The following WDR72 variants were observed in gnomAD, a reference collection of about 807,000 sequenced individuals.
The protein encoded by WDR72 is WD repeat domain 72, also known as WD repeat-containing protein 72.
WDR72 carries 120 observed loss-of-function variants against 124.2 expected under a neutral mutation model. That is an observed-to-expected ratio of 0.97 (90% confidence interval 0.83 to 1.12). The LOEUF (loss-of-function observed/expected upper bound fraction) is 1.12. Among genes scored for constraint, WDR72 ranks in the 50% most tolerant of loss-of-function variants. The pLI is 0.00. For missense variants in WDR72, 1,387 were observed against 1,278.8 expected, an observed-to-expected ratio of 1.08 and a Z score of -1.29; for synonymous variants, 452 against 441.7, an observed-to-expected ratio of 1.02 and a Z score of -0.29.
chr15:53,542,917 A>G (rs1893225916), intron 18 of WDR72, among the ~76,000 whole-genome samples: 1 of 150,480 alleles, frequency 6.6e-6, no homozygotes, highest in African/African-American at 2.5e-5. Flanking sequence ...ATAATGGTAA[A>G]GGGATCAATT....
intron 14 of WDR72, among the ~76,000 whole-genome samples, chr15:53,664,461 G>T (rs550178597): frequency 6.6e-6 from 1 of 151,512 alleles, no homozygotes; most frequent in Admixed American, 6.6e-5. Flanking sequence ...CAACTCTACT[G>T]CTTTGAGGCA....
At chr15:53,759,498 C>T (rs999406118) in intron 1 of WDR72, 135 bp downstream of exon 1, 4 of 152,314 alleles carry the variant, frequency 2.6e-5, no homozygotes, top group African/African-American at 9.6e-5. Flanking sequence ...CCAGCTGTAT[C>T]CAAGCGCGGG....
chr15:53,670,265 C>A (rs187782647), intron 13 of WDR72, among the ~76,000 whole-genome samples: 17 of 152,196 alleles, frequency 1.1e-4, no homozygotes, highest in Admixed American at 1.0e-3. Flanking sequence ...TAGCTTAAAG[C>A]AATTAACATC....
chr15:53,533,140 G>A (rs529595422), intron 18 of WDR72, among the ~76,000 whole-genome samples: 16 of 152,178 alleles, frequency 1.1e-4, no homozygotes, highest in Non-Finnish European at 7.4e-5. Flanking sequence ...GGAACACTGT[G>A]TGTGTCTCCA....
chr15:53,734,733 C>A (rs2018300272), intron 1 of WDR72, among the ~76,000 whole-genome samples: 1 of 151,616 alleles, frequency 6.6e-6, no homozygotes, highest in Non-Finnish European at 1.5e-5. Flanking sequence ...AAAACTACCC[C>A]AGGAAGATAA....
intron 14 of WDR72, among the ~76,000 whole-genome samples, chr15:53,652,473 A>T (rs2015276069): frequency 6.6e-6 from 1 of 152,178 alleles, no homozygotes; most frequent in Non-Finnish European, 1.5e-5. Flanking sequence ...GGGGATACAG[A>T]ATTGTACTAG....
chr15:53,563,144 A>G (rs1362919456), intron 18 of WDR72, among the ~76,000 whole-genome samples: 1 of 151,814 alleles, frequency 6.6e-6, no homozygotes, highest in East Asian at 1.9e-4. Context: ...AGTAGCTAGA[A>G]AAATGGTCCT....
intron 18 of WDR72, among the ~76,000 whole-genome samples, chr15:53,547,521 C>T (rs1273834312): frequency 2.6e-5 from 4 of 152,040 alleles, no homozygotes; most frequent in Admixed American, 2.0e-4. Context: ...TAGCAGTGAT[C>T]AATAATCTTT....
At chr15:53,632,302 G>A (rs952029254) in intron 14 of WDR72, among the ~76,000 whole-genome samples, 2 of 152,132 alleles carry the variant, frequency 1.3e-5, no homozygotes, top group African/African-American at 4.8e-5. Context: ...CAAGTGGTAA[G>A]CTTTGGCAGT....
intron 14 of WDR72, among the ~76,000 whole-genome samples, chr15:53,653,992 G>A (rs1281226553): frequency 6.6e-6 from 1 of 152,106 alleles, no homozygotes; most frequent in African/African-American, 2.4e-5. Context: ...AATATACCCA[G>A]TCTGGAAATC....
intron 18 of WDR72, among the ~76,000 whole-genome samples, chr15:53,591,685 AACACACACACACACACACACACACACAC>A (rs67873847): frequency 6.7e-6 from 1 of 148,930 alleles, no homozygotes; most frequent in Non-Finnish European, 1.5e-5. Flanking sequence ...CAACACACAC[AACACACACACACACACACACACACACAC>A]ACACACACAC....
intron 6 of WDR72, among the ~76,000 whole-genome samples, chr15:53,713,347 A>T (rs770734698): frequency 4.6e-5 from 7 of 150,776 alleles, no homozygotes; most frequent in Non-Finnish European, 8.9e-5. Flanking sequence ...CAGAAAGGTC[A>T]AACAAAAAAA....
Position 53,699,908 on chromosome 15 carries a change from T to TC in WDR72, c.1606dup (p.Asp536GlyfsTer10). ...AAGGTGAAGGAGAGCCACGGAATGG[T>TC]CACCGCACACACAGCAAATTATCTG... On this transcript the variant is annotated frameshift_variant, in exon 13 of 20. Transcript: ENST00000360509. LOFTEE classifies it high-confidence loss of function. The TC allele has an allele frequency of 6.2e-7, 1 of 1,614,170 alleles. No individual in the cohort carries two copies. The highest frequency in any genetic ancestry group is 8.5e-7 in the Non-Finnish European group (1 of 1,180,032).
intron 18 of WDR72, among the ~76,000 whole-genome samples, chr15:53,547,283 C>T (rs1025013701): frequency 5.3e-5 from 8 of 152,238 alleles, no homozygotes; most frequent in African/African-American, 1.9e-4. Context: ...CAGGCATGTG[C>T]CACCACGCCT....
At chr15:53,555,764 A>AAT (rs1893907532) in intron 18 of WDR72, among the ~76,000 whole-genome samples, 1 of 152,102 alleles carries the variant, frequency 6.6e-6, no homozygotes, top group South Asian at 2.1e-4. Flanking sequence ...CATTTAAAAA[A>AAT]ATATATATTT....
At chr15:53,553,143 G>A (rs1373386527) in intron 18 of WDR72, among the ~76,000 whole-genome samples, 2 of 152,106 alleles carry the variant, frequency 1.3e-5, no homozygotes, top group Admixed American at 6.6e-5. Flanking sequence ...CATAATGCCC[G>A]GTAGAGGGGA....
chr15:53,726,100 T>C (rs974788242), intron 2 of WDR72, among the ~76,000 whole-genome samples: 8 of 150,926 alleles, frequency 5.3e-5, no homozygotes, highest in African/African-American at 1.7e-4. Flanking sequence ...CGTGTCATTA[T>C]ACATTTGTCA....
chr15:53,537,097 GAC>G (rs1398903856), intron 18 of WDR72, among the ~76,000 whole-genome samples: 7 of 152,122 alleles, frequency 4.6e-5, no homozygotes, highest in Non-Finnish European at 8.8e-5. Flanking sequence ...ATAGATTGCT[GAC>G]TTATACTGAG....
At chr15:53,666,821 T>C (rs2015795793) in intron 13 of WDR72, among the ~76,000 whole-genome samples, 1 of 152,150 alleles carries the variant, frequency 6.6e-6, no homozygotes, top group Non-Finnish European at 1.5e-5. Flanking sequence ...ATTCTATCCT[T>C]CCTCATTTCT....
Sources: allele counts gnomAD v4.1 joint callset (sites outside exome capture counted in the v4.1 genomes callset), GRCh38; gene constraint gnomAD v4.1.1; transcripts MANE v1.5; gene names NCBI Gene and HGNC (gene_info 2026-07-23, HGNC 2026-07-21).